BDNF: variants seen among roughly 807,000 people sequenced by gnomAD.
BDNF encodes brain derived neurotrophic factor, also known as neurotrophic factor BDNF precursor form.
Under a neutral mutation model 19.5 loss-of-function variants are expected in BDNF, and 1 was observed. That is an observed-to-expected ratio of 0.05 (90% CI 0.02 to 0.24). BDNF has a LOEUF of 0.24. BDNF is among the 10% of genes least tolerant of loss of function. The pLI is 1.00. For synonymous variants in BDNF, 100 were observed against 121.6 expected, an observed-to-expected ratio of 0.82 and a Z score of 1.17; for missense variants, 195 against 317.6, an observed-to-expected ratio of 0.61 and a Z score of 2.93.
Position 27,698,565 on chromosome 11 carries a change from C to G in BDNF, c.-22+1599G>C, listed in dbSNP as rs149340310. ...ACCAAAATGGCTTTTGACCTTACAA[C>G]AAACTCATATAAAAATAGATTTTTC... On this transcript the variant is annotated intron_variant, in intron 1 of 1. Coordinates refer to ENST00000356660, the MANE Select transcript of BDNF (RefSeq NM_001709.5). 5.3e-5 allele frequency among the ~76,000 whole-genome samples: 8 copies of G among 152,164 alleles called. No individual in the cohort carries two copies. The East Asian group carries it at 1.5e-3, about 29-fold the overall frequency.
intron 1 of BDNF, among the ~76,000 whole-genome samples, chr11:27,661,694 T>C (rs866348088): frequency 2.0e-5 from 3 of 152,188 alleles, no homozygotes; most frequent in Non-Finnish European, 2.9e-5. Context: ...TACTCAACTC[T>C]CTCCAACATC....
chr11:27,681,381 C>T (rs868620319), intron 1 of BDNF, among the ~76,000 whole-genome samples: 2 of 152,136 alleles, frequency 1.3e-5, no homozygotes, highest in Non-Finnish European at 2.9e-5. Flanking sequence ...TCTACAACTT[C>T]CAGCCTAGAA....
At position 27,697,164 on chromosome 11, in the gene BDNF, C is replaced by CACAGAGAGAGAGAGAG. The variant is rs1182832997; in HGVS notation, c.-22+2999_-22+3000insCTCTCTCTCTCTCTGT. Among the ~76,000 whole-genome samples, 17 of 133,164 alleles carry CACAGAGAGAGAGAGAG rather than the reference C, an allele frequency of 1.3e-4. 1 individual carries two copies. In the South Asian group the frequency reaches 3.9e-3, roughly 30 times the overall value. The allele number at this position is 133,164 out of a possible 152,430, so 87.4% of individuals were successfully genotyped here. On this transcript the variant is annotated intron_variant, in intron 1 of 1. Transcript: ENST00000356660. ...GCACGCACACACACACACACACACA[C>CACAGAGAGAGAGAGAG]AGAGAGAGAGAGAGAGAGAGAGAGA...
intron 1 of BDNF, chr11:27,675,669 G>C (rs1856003071): frequency 6.6e-6 from 1 of 152,110 alleles, no homozygotes; most frequent in Non-Finnish European, 1.5e-5. Context: ...CGGGAATGTG[G>C]CTAAGGGGCT....
In BDNF at chr11:27,658,685, A is replaced by T; in HGVS notation, c.-21-100T>A. On this transcript the variant is annotated intron_variant, in intron 1 of 1. Coordinates refer to ENST00000356660, the MANE Select transcript of BDNF (RefSeq NM_001709.5). The surrounding 1 kb of genome is among the most constrained non-coding windows in gnomAD (Gnocchi z 5.7). ...TGATTGTAATTCCAGGCCATTCTGC[A>T]GGGTCAAGGTTTTTTTATGTCTTGG... The T allele has an allele frequency of 1.9e-5, 30 of 1,604,462 alleles. No homozygotes were observed. Among genetic ancestry groups the T allele is most frequent in the Non-Finnish European group, 2.6e-5 (30 of 1,175,628 alleles).
intron 1 of BDNF, among the ~76,000 whole-genome samples, chr11:27,718,764 T>A (rs1184018994): frequency 6.6e-6 from 1 of 152,048 alleles, no homozygotes; most frequent in Non-Finnish European, 1.5e-5. Flanking sequence ...TTCCACAATA[T>A]CCTCGCTTCG....
chr11:27,718,354 A>ACCCCCCCCCCCCCCCCCCCC (rs376255605), intron 1 of BDNF, among the ~76,000 whole-genome samples: 6 of 101,110 alleles, frequency 5.9e-5, no homozygotes, highest in Middle Eastern at 5.7e-3. Flanking sequence ...TCCGCACACC[A>ACCCCCCCCCCCCCCCCCCCC]CCCCCCCCCG....
chr11:27,667,953 A>C (rs542643617), intron 1 of BDNF, among the ~76,000 whole-genome samples: 21 of 152,368 alleles, frequency 1.4e-4, no homozygotes, highest in African/African-American at 4.6e-4. Context: ...CTCCAAATCA[A>C]CAGAATATAC....
In BDNF at chr11:27,666,980, A is replaced by G. The variant is rs1486422369; in HGVS notation, c.-21-8395T>C. On this transcript the variant is annotated intron_variant, in intron 1 of 1. Transcript: ENST00000356660. ...GACACATAATTGTCAGATTCACCAA[A>G]GTTGAAATGAAGGAAAAAACATTAA... 3.3e-5 allele frequency among the ~76,000 whole-genome samples: 5 copies of G among 152,342 alleles called. No homozygotes were observed. The East Asian group carries it at 9.6e-4, about 29-fold the overall frequency.
intron 1 of BDNF, among the ~76,000 whole-genome samples, chr11:27,690,305 G>A (rs1858076259): frequency 6.6e-6 from 1 of 152,146 alleles, no homozygotes; most frequent in African/African-American, 2.4e-5. Flanking sequence ...TGGGCAGCAG[G>A]ATGGTCATTT....
At chr11:27,687,425 A>G (rs951931896) in intron 1 of BDNF, among the ~76,000 whole-genome samples, 1 of 152,098 alleles carries the variant, frequency 6.6e-6, no homozygotes, top group African/African-American at 2.4e-5. Flanking sequence ...CATCAAACTC[A>G]TTCTCCATCC....
intron 1 of BDNF, among the ~76,000 whole-genome samples, chr11:27,676,690 CTAAT>C (rs1307239132): frequency 6.6e-6 from 1 of 152,138 alleles, no homozygotes; most frequent in Non-Finnish European, 1.5e-5. Flanking sequence ...TTATAAAGTA[CTAAT>C]TATTTAATTA....
At chr11:27,667,628 A>G (rs555773058) in intron 1 of BDNF, among the ~76,000 whole-genome samples, 195 of 152,360 alleles carry the variant, frequency 1.3e-3, no homozygotes, top group Admixed American at 2.7e-3. Flanking sequence ...CTAGTCTCTG[A>G]TAAAACAGAC....
chr11:27,718,360 CCCCG>C, intron 1 of BDNF, among the ~76,000 whole-genome samples: 1 of 144,110 alleles, frequency 6.9e-6, no homozygotes, highest in South Asian at 2.9e-4. Flanking sequence ...CACCACCCCC[CCCCG>C]CCCCTCCCGG....
At chr11:27,718,357 C>T (rs868484754) in intron 1 of BDNF, among the ~76,000 whole-genome samples, 27 of 142,974 alleles carry the variant, frequency 1.9e-4, no homozygotes, top group African/African-American at 6.7e-4. Flanking sequence ...GCACACCACC[C>T]CCCCCCGCCC....
chr11:27,715,951 A>T (rs1362850463), intron 1 of BDNF, among the ~76,000 whole-genome samples: 1 of 152,240 alleles, frequency 6.6e-6, no homozygotes, highest in Non-Finnish European at 1.5e-5. Flanking sequence ...CTCTTATAGG[A>T]TTGTTTTATA....
At chr11:27,707,894 A>G (rs948881428) in intron 1 of BDNF, among the ~76,000 whole-genome samples, 2 of 152,102 alleles carry the variant, frequency 1.3e-5, no homozygotes, top group Non-Finnish European at 2.9e-5. Context: ...TAGATATCCA[A>G]TTTTGGAAGT....
rs75029500 is a variant in BDNF, at chr11:27,720,406, C to T, written c.3+1006G>A. ...CCTGGAGATAAACACTTGCATTTCC[C>T]AAAGTTAACCCAGTATACCAACCCG... On this transcript the variant is annotated intron_variant, in intron 1 of 1. Coordinates refer to the BDNF transcript ENST00000314915. The T allele has an allele frequency of 4.1e-6, 4 of 985,838 alleles. No homozygotes were observed. The East Asian group carries it at 4.5e-4, about 112-fold the overall frequency. The allele number at this position is 985,838 out of a possible 1,614,324, so 61.1% of individuals were successfully genotyped here.
chr11:27,717,189 A>G (rs891825402), intron 1 of BDNF, among the ~76,000 whole-genome samples: 1 of 152,238 alleles, frequency 6.6e-6, no homozygotes, highest in African/African-American at 2.4e-5. Context: ...TTAGATCTTT[A>G]AAAGCCTTCT....
Sources: gnomAD v4.1 joint callset for allele counts (sites outside exome capture counted in the v4.1 genomes callset) on GRCh38, gnomAD v4.1.1 for gene constraint, Gnocchi (gnomAD v3.1) non-coding constraint, MANE v1.5 for transcripts, NCBI Gene and HGNC (gene_info 2026-07-23, HGNC 2026-07-21) for gene names.